The following MTRES1 variants were observed in gnomAD, a reference collection of about 807,000 sequenced individuals.
MTRES1 encodes uncharacterized protein C6orf203.
Under a neutral mutation model 17.4 loss-of-function variants are expected in MTRES1, and 11 were observed. The observed-to-expected ratio is 0.63, with a 90% CI of 0.40 to 1.05. The LOEUF is 1.05. Among genes scored for constraint, MTRES1 ranks in the 50% least tolerant of loss-of-function variants. The pLI, the probability that MTRES1 is intolerant of heterozygous loss-of-function variation, is 0.00. For missense variants in MTRES1, 268 were observed against 276.2 expected, an observed-to-expected ratio of 0.97 and a Z score of 0.21; for synonymous variants, 94 against 99.6, an observed-to-expected ratio of 0.94 and a Z score of 0.34.
At chr6:107,043,906 A>C (rs569355233) in intron 2 of MTRES1, among the ~76,000 whole-genome samples, 2 of 152,364 alleles carry the variant, frequency 1.3e-5, no homozygotes, top group East Asian at 3.9e-4. Flanking sequence ...AGGCGGGCGG[A>C]TCACGAGGTC....
chr6:107,049,304 C>T (rs782052352), intron 3 of MTRES1, among the ~76,000 whole-genome samples: 1 of 152,102 alleles, frequency 6.6e-6, no homozygotes, highest in Non-Finnish European at 1.5e-5. Context: ...TTGCTCACCC[C>T]CTACTGGAAG....
intron 2 of MTRES1, among the ~76,000 whole-genome samples, chr6:107,042,193 G>A (rs1235668273): frequency 4.0e-5 from 6 of 151,700 alleles, no homozygotes; most frequent in African/African-American, 1.2e-4. Context: ...ACAAAAAATT[G>A]GCCGGGCGTG....
At chr6:107,044,452 GTCC>G (rs1774325788) in intron 3 of MTRES1, 120 bp downstream of exon 3, 1 of 733,406 alleles carries the variant, frequency 1.4e-6, no homozygotes, top group Non-Finnish European at 2.4e-6. Context: ...GTCCTTTGTG[GTCC>G]TCCACGTCAA....
intron 2 of MTRES1, among the ~76,000 whole-genome samples, 192 bp from the exon 3 acceptor site, chr6:107,044,068 G>T (rs1310027808): frequency 6.6e-6 from 1 of 152,190 alleles, no homozygotes; most frequent in Non-Finnish European, 1.5e-5. Flanking sequence ...GTTGCAGTGA[G>T]CCGAGATGGC....
intron 1 of MTRES1, among the ~76,000 whole-genome samples, chr6:107,038,465 A>T (rs2114952293): frequency 6.6e-6 from 1 of 152,278 alleles, no homozygotes; most frequent in Non-Finnish European, 1.5e-5. Context: ...GCCCTCTGAC[A>T]TGTCACAAGC....
intron 1 of MTRES1, among the ~76,000 whole-genome samples, chr6:107,039,228 C>T (rs1343985097): frequency 3.9e-5 from 6 of 152,094 alleles, no homozygotes; most frequent in Non-Finnish European, 8.8e-5. Context: ...GAGCTAAGCA[C>T]ATTAGTTGCA....
intron 3 of MTRES1, among the ~76,000 whole-genome samples, chr6:107,046,930 T>TTTCGTG: frequency 3.0e-5 from 1 of 33,018 alleles, no homozygotes; most frequent in East Asian, 3.7e-4. Context: ...GGATTCATTC[T>TTTCGTG]TGTGTGTGTG....
At chr6:107,036,347 G>C (rs549358848) in intron 1 of MTRES1, among the ~76,000 whole-genome samples, 3 of 151,670 alleles carry the variant, frequency 2.0e-5, no homozygotes, top group Non-Finnish European at 1.5e-5. Flanking sequence ...AGTTCCAGAC[G>C]AGCCTGACCA....
intron 1 of MTRES1, among the ~76,000 whole-genome samples, chr6:107,033,828 A>T (rs1773922415): frequency 1.3e-5 from 2 of 152,046 alleles, no homozygotes; most frequent in Non-Finnish European, 2.9e-5. Flanking sequence ...AAAAATAATA[A>T]TAATAATAAC....
At chr6:107,044,711 G>A (rs577027166) in intron 3 of MTRES1, among the ~76,000 whole-genome samples, 1 of 152,234 alleles carries the variant, frequency 6.6e-6, no homozygotes, top group South Asian at 2.1e-4. Context: ...CTGAGCAGAT[G>A]TGTAATTCTA....
At chr6:107,045,996 T>C (rs1169934307) in intron 3 of MTRES1, among the ~76,000 whole-genome samples, 1 of 152,200 alleles carries the variant, frequency 6.6e-6, no homozygotes, top group Non-Finnish European at 1.5e-5. Context: ...ACTGGGATCA[T>C]GCAGGTTCTT....
chr6:107,050,812 G>A (rs1479059378), intron 3 of MTRES1, among the ~76,000 whole-genome samples: 2 of 151,944 alleles, frequency 1.3e-5, no homozygotes, highest in East Asian at 3.9e-4. Flanking sequence ...CCTGACCTCA[G>A]GTGATCCACC....
Position 107,039,380 on chromosome 6 carries a change from C to T in MTRES1, c.-12-369C>T, listed in dbSNP as rs1470802494. ...TGTTGCCTGGGCTGGAGTGCAGTGGCGTGATCTCAGCTCACTGCAACCTCT... is the reference window on the plus strand; with the variant it reads ...TGTTGCCTGGGCTGGAGTGCAGTGGTGTGATCTCAGCTCACTGCAACCTCT... On this transcript the variant is annotated intron_variant, in intron 1 of 3. Coordinates refer to ENST00000311381, the MANE Select transcript of MTRES1 (RefSeq NM_016487.5). Among the ~76,000 whole-genome samples the T allele has an allele frequency of 4.6e-5, 7 of 151,990 alleles. No homozygotes were observed. In the East Asian group the frequency reaches 1.2e-3, roughly 25 times the overall value.
chr6:107,031,995 A>G (rs1773862119), intron 1 of MTRES1, among the ~76,000 whole-genome samples: 2 of 152,132 alleles, frequency 1.3e-5, no homozygotes, highest in Non-Finnish European at 2.9e-5. Context: ...GAGAGGCGTG[A>G]TCGGTTTTTT....
chr6:107,039,179 A>G (rs1156279790), intron 1 of MTRES1, among the ~76,000 whole-genome samples: 1 of 152,240 alleles, frequency 6.6e-6, no homozygotes, highest in African/African-American at 2.4e-5. Context: ...GTGCTTTCAC[A>G]TATACTCATA....
In MTRES1 at chr6:107,033,851, C is replaced by T. The variant is rs562816668; in HGVS notation, c.-13+5580C>T. Among the ~76,000 whole-genome samples, 47 of 152,214 alleles carry T rather than the reference C, an allele frequency of 3.1e-4. 1 individual carries two copies. The highest frequency in any genetic ancestry group is 1.1e-3 in the African/African-American group (47 of 41,556). On this transcript the variant is annotated intron_variant, in intron 1 of 3. Transcript: ENST00000311381. ...TAATAATAATAACAAAGTTCTGAGG[C>T]AGAATCTGGGTCCTCCCTTGTGACC...
At chr6:107,036,596 CA>C (rs1183405009) in intron 1 of MTRES1, among the ~76,000 whole-genome samples, 1 of 152,050 alleles carries the variant, frequency 6.6e-6, no homozygotes, top group Non-Finnish European at 1.5e-5. Flanking sequence ...CTAATCCCAG[CA>C]CTTTGGGAGG....
intron 1 of MTRES1, chr6:107,030,143 C>G (rs372466702): frequency 2.8e-6 from 2 of 718,510 alleles, no homozygotes; most frequent in East Asian, 2.7e-5. Flanking sequence ...GCCAGTGTTG[C>G]TGAAGCTGAA....
chr6:107,030,221 T>C (rs1773790703), intron 1 of MTRES1: 3 of 714,618 alleles, frequency 4.2e-6, no homozygotes, highest in South Asian at 1.5e-5. Context: ...CCAGATCCTA[T>C]AGAGCCTTTA....
Sources: allele counts gnomAD v4.1 joint callset (sites outside exome capture counted in the v4.1 genomes callset), GRCh38; gene constraint gnomAD v4.1.1; transcripts MANE v1.5; gene names NCBI Gene and HGNC (gene_info 2026-07-23, HGNC 2026-07-21).